Variants in SEMA5A observed in about 807,000 individuals in gnomAD.
SEMA5A encodes the protein semaphorin-5A.
In SEMA5A, 55 loss-of-function variants were observed where a neutral mutation model predicts 135.5. The ratio of observed to expected loss-of-function variants is 0.41; its 90% CI spans 0.33 to 0.51. The LOEUF is 0.51. Ranked by LOEUF, SEMA5A falls within the 20% of genes least tolerant of loss-of-function variation. The pLI, the probability that SEMA5A is intolerant of heterozygous loss-of-function variation, is 0.37. For synonymous variants in SEMA5A, 580 were observed against 546.5 expected (o/e 1.06, Z -0.85); for missense variants, 1,290 against 1,419.9 (o/e 0.91, Z 1.47).
intron 12 of SEMA5A, among the ~76,000 whole-genome samples, chr5:9,140,295 C>A (rs754049964): frequency 1.6e-4 from 25 of 152,248 alleles, no homozygotes; most frequent in African/African-American, 6.0e-4. Context: ...TCTCAAGACA[C>A]GCAATTGATT....
At chr5:9,496,776 A>T (rs1056858367) in intron 1 of SEMA5A, among the ~76,000 whole-genome samples, 10 of 152,194 alleles carry the variant, frequency 6.6e-5, no homozygotes, top group South Asian at 2.1e-4. Context: ...GGGTCTCCAA[A>T]GGGACTGCCT....
intron 3 of SEMA5A, among the ~76,000 whole-genome samples, chr5:9,349,736 C>A (rs1305983810): frequency 6.6e-6 from 1 of 151,884 alleles, no homozygotes; most frequent in Non-Finnish European, 1.5e-5. Context: ...CCTGTCCCCA[C>A]TAAAAATACA....
intron 3 of SEMA5A, among the ~76,000 whole-genome samples, chr5:9,342,032 C>G (rs530812959): frequency 2.0e-5 from 3 of 148,950 alleles, no homozygotes; most frequent in East Asian, 3.9e-4. Flanking sequence ...AAATACTTGA[C>G]AAATATAACT....
intron 14 of SEMA5A, among the ~76,000 whole-genome samples, chr5:9,121,357 A>C (rs1008463206): frequency 6.6e-6 from 1 of 152,160 alleles, no homozygotes; most frequent in Non-Finnish European, 1.5e-5. Context: ...CAATCCACTT[A>C]CGTTTTTAAA....
intron 4 of SEMA5A, among the ~76,000 whole-genome samples, chr5:9,327,682 CCA>C (rs1752941099): frequency 6.6e-6 from 1 of 152,020 alleles, no homozygotes; most frequent in South Asian, 2.1e-4. Context: ...AAATATTTTC[CCA>C]CAAATATATT....
At chr5:9,367,755 T>G (rs1185594138) in intron 3 of SEMA5A, among the ~76,000 whole-genome samples, 1 of 152,196 alleles carries the variant, frequency 6.6e-6, no homozygotes, top group Non-Finnish European at 1.5e-5. Context: ...TGGTCCCCAA[T>G]GTTGAGGGTG....
At chr5:9,465,905 G>T (rs78989635) in intron 1 of SEMA5A, among the ~76,000 whole-genome samples, 6,039 of 152,284 alleles carry the variant, frequency 0.04, 173 homozygotes, top group Middle Eastern at 0.085. Flanking sequence ...ACACAAAGAC[G>T]AGCATGCATG....
rs1757657931 is a variant in SEMA5A, at chr5:9,426,438, A to C, written c.-78+11318T>G. On this transcript the variant is annotated intron_variant, in intron 2 of 22. Coordinates refer to ENST00000382496, the MANE Select transcript of SEMA5A (RefSeq NM_003966.3). ...AGACTCCATCTCAAAAAAATAAATA[A>C]AATAAAATAAAATAAAATAAAATAA... Among the ~76,000 whole-genome samples the C allele has an allele frequency of 1.5e-5, 2 of 137,720 alleles. 1 individual carries two copies. The highest frequency in any genetic ancestry group is 4.3e-4 in the South Asian group (2 of 4,626). 90.3% of individuals were successfully genotyped at this position (137,720 alleles called of 152,430 possible). A position where few individuals can be genotyped will look rare whatever the true frequency, so the allele number is the denominator to read the frequency against.
At chr5:9,485,084 A>G (rs1004883865) in intron 1 of SEMA5A, among the ~76,000 whole-genome samples, 1 of 152,156 alleles carries the variant, frequency 6.6e-6, no homozygotes, top group African/African-American at 2.4e-5. Flanking sequence ...GTAATTATTC[A>G]TTGTTTATCT....
At chr5:9,532,335 G>A (rs527877850) in intron 1 of SEMA5A, among the ~76,000 whole-genome samples, 7 of 151,030 alleles carry the variant, frequency 4.6e-5, no homozygotes, top group East Asian at 3.9e-4. Context: ...GTGTGATCTC[G>A]GCTCACTGCA....
At chr5:9,534,577 A>G (rs1737644504) in intron 1 of SEMA5A, among the ~76,000 whole-genome samples, 1 of 152,116 alleles carries the variant, frequency 6.6e-6, no homozygotes, top group Non-Finnish European at 1.5e-5. Flanking sequence ...ATGGAACATC[A>G]TGGTACCAGA....
At chr5:9,502,093 C>G (rs909129737) in intron 1 of SEMA5A, among the ~76,000 whole-genome samples, 4 of 152,086 alleles carry the variant, frequency 2.6e-5, no homozygotes, top group Non-Finnish European at 5.9e-5. Context: ...TTGGCTCTTA[C>G]TCTTTGTCCC....
chr5:9,179,206 G>A (rs1744371415), intron 11 of SEMA5A, among the ~76,000 whole-genome samples: 1 of 152,304 alleles, frequency 6.6e-6, no homozygotes, highest in South Asian at 2.1e-4. Flanking sequence ...CATTAAACCT[G>A]AAGGAGTTAT....
intron 2 of SEMA5A, among the ~76,000 whole-genome samples, chr5:9,408,316 G>A (rs1756977594): frequency 6.6e-6 from 1 of 152,004 alleles, no homozygotes; most frequent in Non-Finnish European, 1.5e-5. Flanking sequence ...AATCCACTAA[G>A]GCACTCCAGC....
rs1231503715 is a variant in SEMA5A, at chr5:9,125,903, T to A, written c.1600-3066A>T. On this transcript the variant is annotated intron_variant, in intron 13 of 22. Transcript: ENST00000382496. ...TCCCTCTTGTCTCCAGCCAAAAGACTCCTGTGTCAGTGGATAAGAGGTCAC... is the reference window on the plus strand; with the variant it reads ...TCCCTCTTGTCTCCAGCCAAAAGACACCTGTGTCAGTGGATAAGAGGTCAC... 2.0e-5 allele frequency among the ~76,000 whole-genome samples: 3 copies of A among 152,152 alleles called. No individual in the cohort carries two copies. In the East Asian group the frequency reaches 5.8e-4, roughly 29 times the overall value.
At chr5:9,074,900 C>A (rs1561127038) in intron 16 of SEMA5A, among the ~76,000 whole-genome samples, 1 of 152,160 alleles carries the variant, frequency 6.6e-6, no homozygotes, top group Non-Finnish European at 1.5e-5. Flanking sequence ...CCCAAATAAA[C>A]ACCTGGTGCA....
chr5:9,346,229 G>A (rs1047482319), intron 3 of SEMA5A, among the ~76,000 whole-genome samples: 1 of 151,052 alleles, frequency 6.6e-6, no homozygotes, highest in African/African-American at 2.4e-5. Context: ...TAACTTTGAA[G>A]AAGAATCTGG....
At chr5:9,329,413 G>C (rs949521905) in intron 4 of SEMA5A, among the ~76,000 whole-genome samples, 1 of 152,198 alleles carries the variant, frequency 6.6e-6, no homozygotes, top group South Asian at 2.1e-4. Flanking sequence ...AAAAACAGGA[G>C]GCAACTCTGG....
At chr5:9,213,032 T>A (rs1746423345) in intron 8 of SEMA5A, among the ~76,000 whole-genome samples, 1 of 152,214 alleles carries the variant, frequency 6.6e-6, no homozygotes, top group Non-Finnish European at 1.5e-5. Flanking sequence ...TTCTGGTTCC[T>A]AGCCGGCACC....
Sources: gnomAD v4.1 joint callset for allele counts (sites outside exome capture counted in the v4.1 genomes callset) on GRCh38, gnomAD v4.1.1 for gene constraint, MANE v1.5 for transcripts, NCBI Gene and HGNC (gene_info 2026-07-23, HGNC 2026-07-21) for gene names.